The following ZHX2 variants were observed in gnomAD, a reference collection of about 807,000 sequenced individuals.
ZHX2 encodes zinc fingers and homeoboxes 2, also known as zinc fingers and homeoboxes protein 2.
A neutral mutation model predicts 21.9 loss-of-function variants in ZHX2; 6 were observed. The ratio of observed to expected loss-of-function variants is 0.27; its 90% confidence interval spans 0.15 to 0.54. The LOEUF (loss-of-function observed/expected upper bound fraction) is 0.54. Among genes scored for constraint, ZHX2 ranks in the 20% least tolerant of loss-of-function variants. ZHX2 has a pLI of 0.95. For synonymous variants in ZHX2, 434 were observed against 437.1 expected (o/e 0.99, Z 0.09); for missense variants, 908 against 1,090.7 (o/e 0.83, Z 2.36).
At chr8:122,810,181 G>A (rs1271245188) in intron 1 of ZHX2, among the ~76,000 whole-genome samples, 1 of 152,222 alleles carries the variant, frequency 6.6e-6, no homozygotes, top group Admixed American at 6.5e-5. Flanking sequence ...GCCGTCCAGT[G>A]TGCAGGCTTA....
intron 2 of ZHX2, among the ~76,000 whole-genome samples, chr8:122,889,668 C>T (rs559337791): frequency 5.4e-4 from 82 of 152,246 alleles, no homozygotes; most frequent in African/African-American, 1.6e-3. Context: ...TTGAACAACA[C>T]GGGTTTGAAC....
chr8:122,899,058 A>G (rs1820164575), intron 2 of ZHX2, among the ~76,000 whole-genome samples: 1 of 152,192 alleles, frequency 6.6e-6, no homozygotes, highest in South Asian at 2.1e-4. Context: ...GTCAACAGCC[A>G]TGGAACACCT....
At chr8:122,799,873 T>G (rs1817682993) in intron 1 of ZHX2, among the ~76,000 whole-genome samples, 1 of 152,134 alleles carries the variant, frequency 6.6e-6, no homozygotes, top group Admixed American at 6.5e-5. Flanking sequence ...TTGCTTTTCT[T>G]TTTTTTTGAG....
intron 1 of ZHX2, among the ~76,000 whole-genome samples, chr8:122,794,370 C>T (rs1411265198): frequency 6.6e-6 from 1 of 151,928 alleles, no homozygotes; most frequent in East Asian, 1.9e-4. Context: ...CTCCATGCCA[C>T]TGAGGTTCTA....
At chr8:122,929,320 CTT>C (rs1246070246) in intron 2 of ZHX2, among the ~76,000 whole-genome samples, 1 of 152,104 alleles carries the variant, frequency 6.6e-6, no homozygotes, top group African/African-American at 2.4e-5. Flanking sequence ...TTCTTCATAT[CTT>C]TATATTTTGG....
In ZHX2 at chr8:122,952,151, G is replaced by A. The variant is rs1813135942; in HGVS notation, c.641G>A (p.Gly214Glu). 4 of 1,613,392 alleles carry A rather than the reference G, an allele frequency of 2.5e-6. No individual in the cohort carries two copies. Among genetic ancestry groups the A allele is most frequent in the Non-Finnish European group, 3.4e-6 (4 of 1,179,890 alleles). ...EEITPENHVE[G>E]TARLVTDTAE... The stretch of plus-strand genomic sequence containing the variant: ...ATCACCCCCGAGAACCACGTGGAAG[G>A]GACCGCCCGCCTGGTGACAGACACA... Residue 214 changes from glycine (G) to glutamate (E), a missense_variant, in exon 3 of 4, where the codon GGG (glycine) becomes GAG (glutamate). This residue lies in a region of ZHX2 where 220 missense variants were observed against 251.4 expected (regional missense o/e 0.88). Transcript: ENST00000314393. The surrounding 1 kb of genome is among the most constrained non-coding windows in gnomAD (Gnocchi z 6.9).
At chr8:122,839,149 CTTTTT>C (rs1818568312) in intron 1 of ZHX2, among the ~76,000 whole-genome samples, 1 of 151,544 alleles carries the variant, frequency 6.6e-6, no homozygotes, top group Non-Finnish European at 1.5e-5. Flanking sequence ...TCCCTTCCTT[CTTTTT>C]TTATCTTGGG....
chr8:122,965,290 A>G (rs1008741623), intron 3 of ZHX2, among the ~76,000 whole-genome samples: 2 of 152,042 alleles, frequency 1.3e-5, no homozygotes, highest in East Asian at 3.9e-4. Context: ...ACTTAATGCT[A>G]TGAACTTTCC....
chr8:122,850,297 G>A (rs534379202), intron 1 of ZHX2, among the ~76,000 whole-genome samples: 10 of 152,038 alleles, frequency 6.6e-5, no homozygotes, highest in South Asian at 6.2e-4. Context: ...GAGCAGCTAC[G>A]TCAGTGATGC....
intron 2 of ZHX2, among the ~76,000 whole-genome samples, chr8:122,905,404 G>C (rs543728628): frequency 6.6e-6 from 1 of 152,258 alleles, no homozygotes; most frequent in Non-Finnish European, 1.5e-5. Flanking sequence ...TGTCAACCCA[G>C]AATCCTATAT....
chr8:122,789,043 G>A (rs566835449), intron 1 of ZHX2, among the ~76,000 whole-genome samples: 2 of 152,316 alleles, frequency 1.3e-5, no homozygotes, highest in African/African-American at 4.8e-5. Context: ...AGGAATCCCC[G>A]TGGGCTGAAA....
intron 1 of ZHX2, among the ~76,000 whole-genome samples, chr8:122,860,861 G>C (rs1226240961): frequency 2.6e-5 from 4 of 151,920 alleles, no homozygotes; most frequent in Admixed American, 1.3e-4. Flanking sequence ...GGTGAAACCC[G>C]ATCTCTACTA....
chr8:122,955,576 A>G (rs1282993976), intron 3 of ZHX2, among the ~76,000 whole-genome samples: 3 of 152,294 alleles, frequency 2.0e-5, no homozygotes, highest in South Asian at 4.2e-4. Flanking sequence ...CTATTAAAAG[A>G]GCACTTTAAC....
intron 1 of ZHX2, among the ~76,000 whole-genome samples, chr8:122,857,582 T>C (rs1229798227): frequency 6.6e-6 from 1 of 151,614 alleles, no homozygotes; most frequent in Non-Finnish European, 1.5e-5. Flanking sequence ...TTCTGTACTC[T>C]TGGGGAATCT....
intron 1 of ZHX2, among the ~76,000 whole-genome samples, chr8:122,810,946 G>C (rs565402449): frequency 3.3e-5 from 5 of 152,264 alleles, no homozygotes; most frequent in Non-Finnish European, 7.4e-5. Context: ...CTGGACCCAG[G>C]GTACCGAAAG....
chr8:122,965,344 G>T (rs1205376892), intron 3 of ZHX2, among the ~76,000 whole-genome samples: 1 of 151,974 alleles, frequency 6.6e-6, no homozygotes, highest in African/African-American at 2.4e-5. Flanking sequence ...TTGATCAGTT[G>T]CATCACTATT....
At chr8:122,832,554 T>G (rs1361868046) in intron 1 of ZHX2, among the ~76,000 whole-genome samples, 2 of 152,138 alleles carry the variant, frequency 1.3e-5, no homozygotes, top group African/African-American at 4.8e-5. Context: ...GTGAGAGCCT[T>G]CTGGAGCAGA....
At chr8:122,948,936 A>C (rs1013455485) in intron 2 of ZHX2, among the ~76,000 whole-genome samples, 1 of 152,266 alleles carries the variant, frequency 6.6e-6, no homozygotes, top group Non-Finnish European at 1.5e-5. Flanking sequence ...ACAATGAAAG[A>C]GGCTACAAGA....
intron 1 of ZHX2, among the ~76,000 whole-genome samples, chr8:122,835,228 ATTTT>A (rs1818467224): frequency 6.6e-6 from 1 of 152,186 alleles, no homozygotes; most frequent in African/African-American, 2.4e-5. Flanking sequence ...CAATACCTTC[ATTTT>A]CTACTACTTT....
Sources: gnomAD v4.1 joint callset for allele counts (sites outside exome capture counted in the v4.1 genomes callset) on GRCh38, gnomAD v4.1.1 for gene constraint, gnomAD v4.1.1 regional missense constraint, Gnocchi (gnomAD v3.1) non-coding constraint, MANE v1.5 for transcripts, NCBI Gene and HGNC (gene_info 2026-07-23, HGNC 2026-07-21) for gene names.